MTERF4: variants seen among roughly 807,000 people sequenced by gnomAD.
The protein encoded by MTERF4 is mitochondrial transcription termination factor 4, also known as transcription termination factor 4, mitochondrial.
In MTERF4, 17 loss-of-function variants were observed where a neutral mutation model predicts 22.5. That is an observed-to-expected ratio of 0.75 (90% CI 0.52 to 1.13). MTERF4 has a LOEUF of 1.13. Among genes scored for constraint, MTERF4 ranks in the 50% most tolerant of loss-of-function variants. The pLI is 0.00. For synonymous variants in MTERF4, 165 were observed against 175.3 expected, an observed-to-expected ratio of 0.94 and a Z score of 0.47; for missense variants, 420 against 466.8, an observed-to-expected ratio of 0.90 and a Z score of 0.92.
At chr2:241,056,143 C>T in the MTERF4 span, among the ~76,000 whole-genome samples, 2,358 of 151,920 alleles carry the variant, frequency 0.016, 25 homozygotes, top group Non-Finnish European at 0.025. Context: ...CTTTAAAATT[C>T]CATGAAAAAT....
At position 241,096,680 on chromosome 2, in the gene MTERF4, G is replaced by T. The variant is rs1476166912; in HGVS notation, c.706-242C>A. ...GGGGTGGGAGGGAAAAGGGGCAGGA[G>T]GGAGAAGGGGCAGAAGGAAGAGGTG... On this transcript the variant is annotated intron_variant, in intron 3 of 3. Coordinates refer to ENST00000391980, the MANE Select transcript of MTERF4 (RefSeq NM_182501.4). This position sits in a 1 kb window ranked among gnomAD's most constrained non-coding sequence, Gnocchi z 5.1. 1 of 681,432 alleles carries T rather than the reference G, an allele frequency of 1.5e-6. No individual in the cohort carries two copies. The highest frequency in any genetic ancestry group is 1.5e-5 in the South Asian group (1 of 66,298). 42.2% of individuals were successfully genotyped at this position (681,432 alleles called of 1,614,324 possible). A position where few individuals can be genotyped will look rare whatever the true frequency, so the allele number is the denominator to read the frequency against.
chr2:241,084,153 T>TTTTTTTTA (rs2063467474), downstream of MTERF4, among the ~76,000 whole-genome samples: 4 of 148,474 alleles, frequency 2.7e-5, no homozygotes, highest in African/African-American at 1.0e-4. Flanking sequence ...TTTTTTTTTT[T>TTTTTTTTA]GAGACAAAGT....
rs1231960940 is a variant in MTERF4 at position 241,073,667 on chromosome 2, T to C, written n.2495A>G. ...TCCCCTCTCCTCCTTCGCCTCCACA[T>C]GCAGCAGAGCCCACCCCAGCCCCTG... On this transcript the variant is annotated non_coding_transcript_exon_variant, in exon 5 of 5. Transcript: ENST00000464344. The surrounding 1 kb of genome is among the most constrained non-coding windows in gnomAD (Gnocchi z 6.6). 1.6e-5 allele frequency: 8 copies of C among 500,858 alleles called. No individual in the cohort carries two copies. The allele number at this position is 500,858 out of a possible 1,614,324, so 31.0% of individuals were successfully genotyped here.
At chr2:241,046,143 A>T in the MTERF4 span, among the ~76,000 whole-genome samples, 1 of 152,098 alleles carries the variant, frequency 6.6e-6, no homozygotes, top group South Asian at 2.1e-4. Context: ...TAGAATGCCT[A>T]AAAAAAATAA....
the MTERF4 span, chr2:241,064,169 C>G: frequency 1.1e-4 from 152 of 1,343,902 alleles, no homozygotes; most frequent in African/African-American, 2.1e-3. The surrounding 1 kb of genome is among the most constrained non-coding windows in gnomAD (Gnocchi z 7.0). Flanking sequence ...TGCCCGCCTG[C>G]TCCCCGCCCT....
At chr2:241,100,427 T>C (rs1296014074) in intron 1 of MTERF4, among the ~76,000 whole-genome samples, 1 of 152,132 alleles carries the variant, frequency 6.6e-6, no homozygotes, top group Non-Finnish European at 1.5e-5. Flanking sequence ...AGGATCTACT[T>C]CCTCTTAATG....
chr2:241,058,506 A>C, the MTERF4 span, among the ~76,000 whole-genome samples: 1 of 152,228 alleles, frequency 6.6e-6, no homozygotes, highest in Non-Finnish European at 1.5e-5. Context: ...AGTTCTTTGA[A>C]AAGCCTAATG....
At chr2:241,090,029 CAAT>C, downstream of MTERF4, 8 of 1,547,410 alleles carry the variant, frequency 5.2e-6, no homozygotes, top group East Asian at 4.9e-5. Context: ...GGCAGTTGCA[CAAT>C]AATAAATTAG....
chr2:241,092,145 G>A (rs960428972), downstream of MTERF4: 4 of 152,344 alleles, frequency 2.6e-5, no homozygotes, highest in African/African-American at 9.6e-5. This position sits in a 1 kb window ranked among gnomAD's most constrained non-coding sequence, Gnocchi z 4.6. Flanking sequence ...GATGTCAGAA[G>A]GAAAGCCGGG....
At chr2:241,089,266 TTA>T, downstream of MTERF4, 1 of 1,543,258 alleles carries the variant, frequency 6.5e-7, no homozygotes, top group Non-Finnish European at 8.7e-7. Context: ...TTCCTGCCCC[TTA>T]TAGGAGCCCT....
At chr2:241,089,349 T>G (rs2063758735), downstream of MTERF4, 3 of 1,550,614 alleles carry the variant, frequency 1.9e-6, no homozygotes, top group South Asian at 3.6e-5. Context: ...AAAACAGGTC[T>G]ATGTTTTGTT....
chr2:241,057,408 T>TATATATATATATATATATATATGC, the MTERF4 span, among the ~76,000 whole-genome samples: 1 of 119,206 alleles, frequency 8.4e-6, no homozygotes, highest in African/African-American at 3.1e-5. Context: ...TATATATATA[T>TATATATATATATATATATATATGC]ATATGCCATA....
the MTERF4 span, among the ~76,000 whole-genome samples, chr2:241,054,886 G>A: frequency 6.6e-5 from 10 of 152,212 alleles, no homozygotes; most frequent in Non-Finnish European, 1.3e-4. Context: ...GGAGGCCGAG[G>A]CAGGTGGATC....
In MTERF4 at chr2:241,073,195, A is replaced by C. The variant is rs1197226761; in HGVS notation, n.2967T>G. The C allele has an allele frequency of 8.7e-7, 1 of 1,150,294 alleles. No homozygotes were observed. Among genetic ancestry groups the C allele is most frequent in the East Asian group, 2.6e-5 (1 of 38,600 alleles). The allele number at this position is 1,150,294 out of a possible 1,614,324, so 71.3% of individuals were successfully genotyped here. ...GCTCCCTGAGATATAGAAGCACTCA[A>C]AAGGGTGGCCCCAGGACCATCCCGG... On this transcript the variant is annotated non_coding_transcript_exon_variant, in exon 5 of 5. Transcript: ENST00000464344. This position sits in a 1 kb window ranked among gnomAD's most constrained non-coding sequence, Gnocchi z 6.6.
At chr2:241,099,918 CAATT>C (rs767189107) in intron 1 of MTERF4, 24 bp from the exon 2 acceptor site, 9 of 1,602,588 alleles carry the variant, frequency 5.6e-6, no homozygotes, top group South Asian at 1.1e-5. Context: ...GACCAAAAGA[CAATT>C]AATTCCTCAC....
At chr2:241,053,338 G>C in the MTERF4 span, 11 of 1,553,420 alleles carry the variant, frequency 7.1e-6, no homozygotes, top group Non-Finnish European at 9.6e-6. Context: ...TGATTCTGTG[G>C]GCCCTTGGGG....
At chr2:241,060,251 C>G in the MTERF4 span, among the ~76,000 whole-genome samples, 1 of 151,208 alleles carries the variant, frequency 6.6e-6, no homozygotes, top group Non-Finnish European at 1.5e-5. Flanking sequence ...GGCACAATCT[C>G]GGCTCACTGC....
At chr2:241,065,916 G>C in the MTERF4 span, among the ~76,000 whole-genome samples, 3,615 of 152,014 alleles carry the variant, frequency 0.024, 151 homozygotes, top group African/African-American at 0.083. Flanking sequence ...GTCCCTAGAA[G>C]GAGCCAGTGT....
the MTERF4 span, chr2:241,051,551 C>T: frequency 4.4e-6 from 2 of 455,046 alleles, no homozygotes; most frequent in Non-Finnish European, 7.7e-6. The surrounding 1 kb of genome is among the most constrained non-coding windows in gnomAD (Gnocchi z 4.7). Context: ...GTTGGGGTCT[C>T]CAGCCTGTGA....
Sources: gnomAD v4.1 joint callset for allele counts (sites outside exome capture counted in the v4.1 genomes callset) on GRCh38, gnomAD v4.1.1 for gene constraint, Gnocchi (gnomAD v3.1) non-coding constraint, MANE v1.5 for transcripts, NCBI Gene and HGNC (gene_info 2026-07-23, HGNC 2026-07-21) for gene names.